The following ZNF746 variants were observed in gnomAD, a reference collection of about 807,000 sequenced individuals.
ZNF746 encodes zinc finger protein 746.
In ZNF746, 13 loss-of-function variants were observed where a neutral mutation model predicts 41.0. The ratio of observed to expected loss-of-function variants is 0.32; its 90% CI spans 0.21 to 0.50. The LOEUF (loss-of-function observed/expected upper bound fraction) is 0.50, where lower values mean the gene tolerates loss of function less well. Among genes scored for constraint, ZNF746 ranks in the 20% least tolerant of loss-of-function variants. ZNF746 has a pLI of 0.98. For missense variants in ZNF746, 811 were observed against 922.9 expected (o/e 0.88, Z 1.57); for synonymous variants, 424 against 396.2 (o/e 1.07, Z -0.83).
At position 149,474,413 on chromosome 7, in the gene ZNF746, G is replaced by A. The variant is rs1174263669; in HGVS notation, c.1954C>T (p.Leu652=). The change falls in exon 7 of 7, where the codon CTG becomes TTG. Residue 652 remains leucine (L), a synonymous_variant. Coordinates refer to ENST00000458143, the MANE Select transcript of ZNF746 (RefSeq NM_001394198.1). This position sits in a 1 kb window ranked among gnomAD's most constrained non-coding sequence, Gnocchi z 6.3. The stretch of plus-strand genomic sequence containing the variant: ...ATGTCCCCGCCATCGGTGGGTCCCA[G>A]GACGCTGAGGCCACAAGTCCAGTCG... ...VTDWTCGLSV[L]GPTDGGDM 1 of 1,610,170 alleles carries A rather than the reference G, an allele frequency of 6.2e-7. No homozygotes were observed. Among genetic ancestry groups the A allele is most frequent in the Non-Finnish European group, 8.5e-7 (1 of 1,178,454 alleles).
intron 3 of ZNF746, among the ~76,000 whole-genome samples, chr7:149,493,602 T>C (rs757524143): frequency 3.3e-5 from 5 of 152,234 alleles, no homozygotes; most frequent in Non-Finnish European, 7.3e-5. Flanking sequence ...CCTCGAGGCA[T>C]GTTGCCGTAA....
At position 149,474,744 on chromosome 7, in the gene ZNF746, G is replaced by A. The variant is rs775381197; in HGVS notation, c.1623C>T (p.Leu541=). 13 of 1,605,082 alleles carry A rather than the reference G, an allele frequency of 8.1e-6. No individual in the cohort carries two copies. In the South Asian group the frequency reaches 1.4e-4, roughly 18 times the overall value. The stretch of plus-strand genomic sequence containing the variant: ...CGGTGTGCAGCATGCGATGGCGGAT[G>A]AGGTGCGCGGGGCGCGTGAAGCAAC... ...CGRCFTRPAH[L]IRHRMLHTGE... Residue 541 remains leucine, a synonymous_variant, in exon 7 of 7, where the codon CTC becomes CTT. Transcript: ENST00000458143. This position sits in a 1 kb window ranked among gnomAD's most constrained non-coding sequence, Gnocchi z 6.3.
At chr7:149,495,025 CAA>C (rs1483160978) in intron 1 of ZNF746, among the ~76,000 whole-genome samples, 1 of 152,124 alleles carries the variant, frequency 6.6e-6, no homozygotes, top group African/African-American at 2.4e-5. Context: ...ACGGCACAAA[CAA>C]GAGTATTGCT....
chr7:149,475,781 C>T (rs1013653822), intron 6 of ZNF746, among the ~76,000 whole-genome samples: 38 of 152,188 alleles, frequency 2.5e-4, no homozygotes, highest in African/African-American at 7.5e-4. Context: ...GAAAGGAATT[C>T]GAACTGCTGC....
Position 149,497,541 on chromosome 7 carries a change from CTG to C in ZNF746, c.-7_-6del. On this transcript the variant is annotated 5_prime_UTR_variant, in exon 1 of 7. Coordinates refer to ENST00000458143, the MANE Select transcript of ZNF746 (RefSeq NM_001394198.1). The surrounding 1 kb of genome is among the most constrained non-coding windows in gnomAD (Gnocchi z 4.2). The stretch of plus-strand genomic sequence containing the variant: ...AGCCGCGACCGCCTCGGCCATGGCC[CTG>C]CGCTGTCCCGCCCGGCCCGGAGGAA... 9.2e-7 allele frequency: 1 copy of C among 1,081,324 alleles called. No homozygotes were observed. The highest frequency in any genetic ancestry group is 3.9e-5 in the South Asian group (1 of 25,870). 67.0% of individuals were successfully genotyped at this position (1,081,324 alleles called of 1,614,324 possible).
rs572332780 is a variant in ZNF746, at chr7:149,474,280, G to C, written c.*104C>G. 31 of 1,341,524 alleles carry C rather than the reference G, an allele frequency of 2.3e-5. No individual in the cohort carries two copies. The South Asian group carries it at 3.5e-4, about 15-fold the overall frequency. 83.1% of individuals were successfully genotyped at this position (1,341,524 alleles called of 1,614,324 possible). The stretch of plus-strand genomic sequence containing the variant: ...ATCAGTTCAGCAACTTGGACATTTG[G>C]TTCTCCCCGTCCCGCGTCTGCCTGA... On this transcript the variant is annotated 3_prime_UTR_variant, in exon 7 of 7. Transcript: ENST00000458143. This position sits in a 1 kb window ranked among gnomAD's most constrained non-coding sequence, Gnocchi z 6.3.
chr7:149,496,940 T>A (rs941566934), intron 1 of ZNF746: 2 of 985,220 alleles, frequency 2.0e-6, no homozygotes, highest in Admixed American at 6.1e-5. Flanking sequence ...CCCGGGTTTT[T>A]CTTTTGTATG....
At chr7:149,490,377 AC>A (rs1235937312) in intron 4 of ZNF746, 1 of 152,208 alleles carries the variant, frequency 6.6e-6, no homozygotes, top group African/African-American at 2.4e-5. Flanking sequence ...CAGCCAGCTT[AC>A]CTGGTTCTCT....
intron 4 of ZNF746, chr7:149,491,720 G>A (rs372352207): frequency 7.4e-5 from 44 of 598,322 alleles, no homozygotes; most frequent in African/African-American, 6.1e-4. Flanking sequence ...GGGCCTCTGC[G>A]GACCACCACC....
chr7:149,479,761 A>G (rs1202720732), intron 4 of ZNF746, among the ~76,000 whole-genome samples: 1 of 152,170 alleles, frequency 6.6e-6, no homozygotes, highest in African/African-American at 2.4e-5. Flanking sequence ...TAGGCTGGGT[A>G]CAGTGGCTCA....
In ZNF746 at chr7:149,494,593, T is replaced by A. The variant is rs1800933840; in HGVS notation, c.25-90A>T. Reference sequence around the variant, plus strand: ...CTCCCTAGGCACGGGGGAGTTGGGCTGGGAGTCCATATGTGTGGACAAGTG... The same window carrying A: ...CTCCCTAGGCACGGGGGAGTTGGGCAGGGAGTCCATATGTGTGGACAAGTG... On this transcript the variant is annotated intron_variant, in intron 1 of 6. Coordinates refer to ENST00000458143, the MANE Select transcript of ZNF746 (RefSeq NM_001394198.1). This position sits in a 1 kb window ranked among gnomAD's most constrained non-coding sequence, Gnocchi z 5.6. 1.3e-6 allele frequency: 2 copies of A among 1,505,340 alleles called. No homozygotes were observed. The highest frequency in any genetic ancestry group is 9.1e-7 in the Non-Finnish European group (1 of 1,100,400). The allele number at this position is 1,505,340 out of a possible 1,614,324, so 93.2% of individuals were successfully genotyped here.
At chr7:149,484,769 T>C (rs145959503) in intron 4 of ZNF746, among the ~76,000 whole-genome samples, 1 of 152,226 alleles carries the variant, frequency 6.6e-6, no homozygotes, top group African/African-American at 2.4e-5. Context: ...TGAGAATGAT[T>C]AGACAATTAA....
In ZNF746 at chr7:149,474,194, A is replaced by C. The variant is rs1312436400; in HGVS notation, c.*190T>G. 1 of 608,652 alleles carries C rather than the reference A, an allele frequency of 1.6e-6. No homozygotes were observed. 37.7% of individuals were successfully genotyped at this position (608,652 alleles called of 1,614,324 possible). A position where few individuals can be genotyped will look rare whatever the true frequency, so the allele number is the denominator to read the frequency against. The stretch of plus-strand genomic sequence containing the variant: ...CTACGGCGCTCCCATTTCACAGAGA[A>C]TTCTACTTGGTTTAGAGGTGGCAGC... On this transcript the variant is annotated 3_prime_UTR_variant, in exon 7 of 7. Transcript: ENST00000458143. This position sits in a 1 kb window ranked among gnomAD's most constrained non-coding sequence, Gnocchi z 6.3.
chr7:149,473,902 C>T lies in ZNF746; in HGVS notation c.*482G>A. 5.5e-6 allele frequency: 1 copy of T among 182,624 alleles called. No individual in the cohort carries two copies. Among genetic ancestry groups the T allele is most frequent in the South Asian group, 9.7e-5 (1 of 10,274 alleles). The allele number at this position is 182,624 out of a possible 1,614,324, so 11.3% of individuals were successfully genotyped here. A position where few individuals can be genotyped will look rare whatever the true frequency, so the allele number is the denominator to read the frequency against. ...CCTCACTGCCCAGGGGCTTGGTGCG[C>T]TAGGCCCACTCAGCCCAACTGGGCA... On this transcript the variant is annotated 3_prime_UTR_variant, in exon 7 of 7. Transcript: ENST00000458143.
intron 1 of ZNF746, among the ~76,000 whole-genome samples, chr7:149,495,256 T>C (rs979540971): frequency 1.3e-5 from 2 of 152,140 alleles, no homozygotes; most frequent in African/African-American, 2.4e-5. Flanking sequence ...ATTCTTTCTC[T>C]TTCCCAATTC....
Position 149,494,467 on chromosome 7 carries a change from T to A in ZNF746, c.61A>T (p.Met21Leu), listed in dbSNP as rs748031714. 1 of 1,613,880 alleles carries A rather than the reference T, an allele frequency of 6.2e-7. No homozygotes were observed. Among genetic ancestry groups the A allele is most frequent in the East Asian group, 2.2e-5 (1 of 44,862 alleles). ...PWTMAATIQAMERKIESQAAR... is the reference protein window; with the variant it reads ...PWTMAATIQALERKIESQAAR... ...GCCTGCGATTCAATCTTCCTCTCCA[T>A]GGCCTGAATCGTGGCTGCCATCGTC... Residue 21 changes from methionine (M) to leucine (L), a missense_variant, in exon 2 of 7, where the codon ATG becomes TTG. This residue lies in a region of ZNF746 where 147 missense variants were observed against 233.4 expected (regional missense o/e 0.63). Coordinates refer to ENST00000458143, the MANE Select transcript of ZNF746 (RefSeq NM_001394198.1). The surrounding 1 kb of genome is among the most constrained non-coding windows in gnomAD (Gnocchi z 5.6).
In ZNF746 at chr7:149,477,067, G is replaced by C; in HGVS notation, c.758-20C>G. On this transcript the variant is annotated intron_variant, in intron 5 of 6. Coordinates refer to ENST00000458143, the MANE Select transcript of ZNF746 (RefSeq NM_001394198.1). The stretch of plus-strand genomic sequence containing the variant: ...GGACACCTGCGGTAAGGGGAGAGCA[G>C]AGCCGGTGGGTTAGGGGACGGACGG... 2.5e-6 allele frequency: 4 copies of C among 1,607,028 alleles called. No individual in the cohort carries two copies. The South Asian group carries it at 4.4e-5, about 18-fold the overall frequency.
Position 149,477,765 on chromosome 7 carries a change from G to T in ZNF746, c.566-10C>A. ...ACTGGGGGCCCCGAGCCTAGGAAAG[G>T]GAGTGAGTGTGAGGATACAGCATCA... On this transcript the variant is annotated splice_polypyrimidine_tract_variant and intron_variant, in intron 4 of 6. Transcript: ENST00000458143. The T allele has an allele frequency of 6.3e-7, 1 of 1,596,616 alleles. No homozygotes were observed. Among genetic ancestry groups the T allele is most frequent in the Non-Finnish European group, 8.6e-7 (1 of 1,168,688 alleles).
intron 4 of ZNF746, among the ~76,000 whole-genome samples, chr7:149,479,960 GAA>G (rs536847099): frequency 4.0e-5 from 6 of 149,212 alleles, no homozygotes; most frequent in African/African-American, 1.5e-4. Flanking sequence ...CCACAGAGGG[GAA>G]AAAAAAAAGT....
Sources: allele counts gnomAD v4.1 joint callset (sites outside exome capture counted in the v4.1 genomes callset), GRCh38; gene constraint gnomAD v4.1.1; regional missense constraint gnomAD v4.1.1; non-coding constraint Gnocchi (gnomAD v3.1); transcripts MANE v1.5; gene names NCBI Gene and HGNC (gene_info 2026-07-23, HGNC 2026-07-21).